Variants in PLEKHM2 observed in about 807,000 individuals in gnomAD.
PLEKHM2 encodes pleckstrin homology and RUN domain containing M2, also known as pleckstrin homology domain-containing family M member 2.
Under a neutral mutation model 116.3 loss-of-function variants are expected in PLEKHM2, and 77 were observed. The observed-to-expected ratio is 0.66, with a 90% confidence interval of 0.55 to 0.80. The LOEUF (loss-of-function observed/expected upper bound fraction) is 0.80, where lower values mean the gene tolerates loss of function less well. Ranked by LOEUF, PLEKHM2 falls within the 30% of genes least tolerant of loss-of-function variation. PLEKHM2 has a pLI of 0.00. For missense variants in PLEKHM2, 1,183 were observed against 1,354.9 expected (o/e 0.87, Z 1.99); for synonymous variants, 562 against 571.0 (o/e 0.98, Z 0.22).
chr1:15,709,342 C>T (rs1363030883), intron 1 of PLEKHM2, among the ~76,000 whole-genome samples: 1 of 152,200 alleles, frequency 6.6e-6, no homozygotes, highest in Admixed American at 6.5e-5. Flanking sequence ...CCTTCCACTC[C>T]TGTTCTTTCA....
intron 7 of PLEKHM2, 53 bp from the exon 8 acceptor site, chr1:15,725,264 G>A (rs990636722): frequency 8.1e-5 from 110 of 1,358,442 alleles, no homozygotes; most frequent in South Asian, 5.9e-4. Context: ...TCTGGGGGTC[G>A]GGGACCCCGG....
Position 15,710,866 on chromosome 1 carries a change from C to T in PLEKHM2, c.61-5371C>T, listed in dbSNP as rs150940115. 5.3e-3 allele frequency among the ~76,000 whole-genome samples: 814 copies of T among 152,290 alleles called. 5 individuals carry two copies. Among genetic ancestry groups the T allele is most frequent in the Middle Eastern group, 0.02 (6 of 294 alleles). The stretch of plus-strand genomic sequence containing the variant: ...GGTGAGAGGATTAGGAAGAGCTGGA[C>T]CATTAATTAACATTAATAAATACGA... On this transcript the variant is annotated intron_variant, in intron 1 of 19. Coordinates refer to ENST00000375799, the MANE Select transcript of PLEKHM2 (RefSeq NM_015164.4).
At position 15,716,756 on chromosome 1, in the gene PLEKHM2, C is replaced by T. The variant is rs778698313; in HGVS notation, c.217C>T (p.Arg73Trp). 6.3e-7 allele frequency: 1 copy of T among 1,579,322 alleles called. No individual in the cohort carries two copies. The highest frequency in any genetic ancestry group is 8.6e-7 in the Non-Finnish European group (1 of 1,162,532). ...GYWVLVVHFT[R>W]REAIKQIEVL... ...CTGGGTGCTCGTGGTGCATTTTACTCGGAGAGAGGCCATCAAGCAGATCGA... is the reference window on the plus strand; with the variant it reads ...CTGGGTGCTCGTGGTGCATTTTACTTGGAGAGAGGCCATCAAGCAGATCGA... The change falls in exon 3 of 20, where the codon CGG becomes TGG. Residue 73 changes from arginine (R) to tryptophan (W), a missense_variant. By Grantham distance (101) the Arg-to-Trp change is moderately radical. Around this residue, in one of 3 missense-constraint regions of PLEKHM2, gnomAD observed 217 missense variants for 277.6 expected, o/e 0.78. Coordinates refer to ENST00000375799, the MANE Select transcript of PLEKHM2 (RefSeq NM_015164.4).
At chr1:15,687,375 C>G (rs1002610919) in intron 1 of PLEKHM2, among the ~76,000 whole-genome samples, 5 of 151,644 alleles carry the variant, frequency 3.3e-5, no homozygotes, top group African/African-American at 1.2e-4. Flanking sequence ...GGGGTTTCAC[C>G]GTGTTAGCCA....
At chr1:15,691,580 C>A (rs1640888687) in intron 1 of PLEKHM2, among the ~76,000 whole-genome samples, 1 of 152,200 alleles carries the variant, frequency 6.6e-6, no homozygotes. Flanking sequence ...CAGTGCCTCA[C>A]CGGCGTCGGC....
chr1:15,723,461 A>AC (rs2068020927), intron 7 of PLEKHM2: 1 of 151,724 alleles, frequency 6.6e-6, no homozygotes, highest in African/African-American at 2.4e-5. Flanking sequence ...AAAAAAAAAA[A>AC]AAAGGGCCAG....
intron 1 of PLEKHM2, among the ~76,000 whole-genome samples, chr1:15,693,516 C>T (rs923155077): frequency 6.6e-6 from 1 of 152,122 alleles, no homozygotes; most frequent in East Asian, 1.9e-4. Flanking sequence ...ATTGAAAGGC[C>T]CTGTGTGATG....
rs115985482 is a variant in PLEKHM2, at chr1:15,719,829, C to G, written c.561C>G (p.His187Gln). ...AAGACCGCCTTCCCAGCTCGGTCCACGGCTCAGACAGTCTGTCCCTCAACT... is the reference window on the plus strand; with the variant it reads ...AAGACCGCCTTCCCAGCTCGGTCCAGGGCTCAGACAGTCTGTCCCTCAACT... ...DFEDRLPSSVHGSDSLSLNSF... is the reference protein window; with the variant it reads ...DFEDRLPSSVQGSDSLSLNSF... Residue 187 changes from histidine (H) to glutamine (Q), a missense_variant, in exon 6 of 20, where the codon CAC becomes CAG. Transcript: ENST00000375799. This position sits in a 1 kb window ranked among gnomAD's most constrained non-coding sequence, Gnocchi z 4.1. 6.2e-7 allele frequency: 1 copy of G among 1,613,834 alleles called. No homozygotes were observed. Among genetic ancestry groups the G allele is most frequent in the Admixed American group, 1.7e-5 (1 of 60,010 alleles).
In PLEKHM2 at chr1:15,721,290, T is replaced by G; in HGVS notation, c.653-39T>G. Reference sequence around the variant, plus strand: ...TCCCTCCAGTCATCCTTCCACTGCCTGTGTTTCTAATCTTCAGTTTTGTCC... The same window carrying G: ...TCCCTCCAGTCATCCTTCCACTGCCGGTGTTTCTAATCTTCAGTTTTGTCC... On this transcript the variant is annotated intron_variant, in intron 6 of 19. Coordinates refer to ENST00000375799, the MANE Select transcript of PLEKHM2 (RefSeq NM_015164.4). This position sits in a 1 kb window ranked among gnomAD's most constrained non-coding sequence, Gnocchi z 5.1. The G allele has an allele frequency of 1.7e-6, 2 of 1,186,558 alleles. No individual in the cohort carries two copies. Among genetic ancestry groups the G allele is most frequent in the Non-Finnish European group, 2.4e-6 (2 of 835,250 alleles). 73.5% of individuals were successfully genotyped at this position (1,186,558 alleles called of 1,614,324 possible).
chr1:15,726,710 G>C (rs1461062762), intron 8 of PLEKHM2, among the ~76,000 whole-genome samples: 1 of 152,182 alleles, frequency 6.6e-6, no homozygotes, highest in Non-Finnish European at 1.5e-5. Context: ...CTAGAGTGCA[G>C]CTAGCTCAGC....
rs1166232404 is a variant in PLEKHM2, at chr1:15,728,173, A to G, written c.1830+25A>G. The G allele has an allele frequency of 3.1e-6, 5 of 1,608,756 alleles. No individual in the cohort carries two copies. The highest frequency in any genetic ancestry group is 4.3e-6 in the Non-Finnish European group (5 of 1,176,398). Reference sequence around the variant, plus strand: ...AGTAAGTCCTAGGAACTCAGGAGTGAGCAAGAGACGGCAAGGGCAAGGCGG... The same window carrying G: ...AGTAAGTCCTAGGAACTCAGGAGTGGGCAAGAGACGGCAAGGGCAAGGCGG... On this transcript the variant is annotated intron_variant, in intron 10 of 19. Coordinates refer to ENST00000375799, the MANE Select transcript of PLEKHM2 (RefSeq NM_015164.4). The surrounding 1 kb of genome is among the most constrained non-coding windows in gnomAD (Gnocchi z 5.9).
rs760046299 is a variant in PLEKHM2, at chr1:15,731,226, G to A, written c.2434G>A (p.Asp812Asn). Residue 812 changes from aspartate (D) to asparagine (N), a missense_variant, in exon 16 of 20, where the codon GAC (aspartate) becomes AAC (asparagine). Physicochemically the swap from Asp to Asn is conservative, Grantham distance 23. Coordinates refer to ENST00000375799, the MANE Select transcript of PLEKHM2 (RefSeq NM_015164.4). Reference protein sequence around the residue: ...GILYQYPDRTDVIPLLSVNMG... With the variant: ...GILYQYPDRTNVIPLLSVNMG... ...CCTCTACCAGTACCCGGACCGCACCGACGTCATCCCTCTGCTCTCGGTGAA... is the reference window on the plus strand; with the variant it reads ...CCTCTACCAGTACCCGGACCGCACCAACGTCATCCCTCTGCTCTCGGTGAA... 9.5e-5 allele frequency: 152 copies of A among 1,598,506 alleles called. No individual in the cohort carries two copies. The highest frequency in any genetic ancestry group is 1.2e-4 in the Non-Finnish European group (135 of 1,172,454).
intron 19 of PLEKHM2, among the ~76,000 whole-genome samples, chr1:15,733,225 A>G (rs1016204254): frequency 7.2e-5 from 11 of 152,316 alleles, no homozygotes; most frequent in African/African-American, 2.6e-4. Context: ...AAAGGACAAA[A>G]CCCTGACTCC....
intron 15 of PLEKHM2, 99 bp from the exon 16 acceptor site, chr1:15,731,093 G>A: frequency 1.2e-6 from 1 of 860,146 alleles, no homozygotes. Flanking sequence ...CAGGTTCATG[G>A]CCGCAGCATG....
chr1:15,689,684 C>T (rs576609759), intron 1 of PLEKHM2, among the ~76,000 whole-genome samples: 1 of 152,320 alleles, frequency 6.6e-6, no homozygotes, highest in South Asian at 2.1e-4. Context: ...TAAAAGCCAC[C>T]ATTACTACTT....
intron 1 of PLEKHM2, among the ~76,000 whole-genome samples, chr1:15,701,878 T>G (rs10927831): frequency 0.37 from 56,095 of 152,088 alleles, 13,459 homozygotes; most frequent in African/African-American, 0.68. Flanking sequence ...GGGATGGATG[T>G]CGAGCACTGG....
intron 1 of PLEKHM2, among the ~76,000 whole-genome samples, chr1:15,685,771 T>G (rs1640758931): frequency 6.6e-6 from 1 of 152,140 alleles, no homozygotes; most frequent in African/African-American, 2.4e-5. Flanking sequence ...GAAAATAGAT[T>G]CTCGAATTGC....
At chr1:15,686,455 T>C (rs1328401784) in intron 1 of PLEKHM2, among the ~76,000 whole-genome samples, 2 of 152,036 alleles carry the variant, frequency 1.3e-5, no homozygotes, top group Non-Finnish European at 2.9e-5. Flanking sequence ...TTAGGGATGT[T>C]GTGGAGTGTT....
chr1:15,731,432 G>A (rs939195867), intron 16 of PLEKHM2, among the ~76,000 whole-genome samples, 175 bp downstream of exon 16: 1 of 152,146 alleles, frequency 6.6e-6, no homozygotes, highest in Non-Finnish European at 1.5e-5. Context: ...GCCCACAGGA[G>A]GGGAGGAGGG....
Sources: allele counts gnomAD v4.1 joint callset (sites outside exome capture counted in the v4.1 genomes callset), GRCh38; gene constraint gnomAD v4.1.1; regional missense constraint gnomAD v4.1.1; non-coding constraint Gnocchi (gnomAD v3.1); transcripts MANE v1.5; gene names NCBI Gene and HGNC (gene_info 2026-07-23, HGNC 2026-07-21).